The following SPIN1 variants were observed in gnomAD, a reference collection of about 807,000 sequenced individuals.
SPIN1 encodes the protein spindlin 1.
SPIN1 carries 3 observed loss-of-function variants against 26.0 expected under a neutral mutation model. The observed-to-expected ratio is 0.12, with a 90% CI of 0.05 to 0.30. The LOEUF is 0.30. SPIN1 is among the 10% of genes least tolerant of loss of function. The pLI is 1.00. For synonymous variants in SPIN1, 101 were observed against 116.5 expected, an observed-to-expected ratio of 0.87 and a Z score of 0.86; for missense variants, 126 against 333.4, an observed-to-expected ratio of 0.38 and a Z score of 4.84.
chr9:88,395,185 G>C (rs897195354), intron 1 of SPIN1, among the ~76,000 whole-genome samples: 3 of 152,006 alleles, frequency 2.0e-5, no homozygotes, highest in Admixed American at 2.0e-4. Context: ...GTGTTAAAAA[G>C]TTATGTTCAC....
At chr9:88,457,947 G>A (rs1828503076) in intron 3 of SPIN1, 18 of 985,320 alleles carry the variant, frequency 1.8e-5, no homozygotes, top group Non-Finnish European at 2.2e-5. Flanking sequence ...TTTCAGCAAT[G>A]CAGTAGAATT....
intron 2 of SPIN1, among the ~76,000 whole-genome samples, chr9:88,437,265 A>G (rs1269825941): frequency 1.3e-5 from 2 of 152,074 alleles, no homozygotes; most frequent in Non-Finnish European, 2.9e-5. Flanking sequence ...TGGGAGGTCA[A>G]GGTAGGCCGA....
At chr9:88,420,919 CT>C (rs2118001353) in intron 1 of SPIN1, among the ~76,000 whole-genome samples, 1 of 152,308 alleles carries the variant, frequency 6.6e-6, no homozygotes, top group African/African-American at 2.4e-5. Flanking sequence ...TTTCTGCTTT[CT>C]TCAGGCCTGT....
chr9:88,451,391 G>A (rs934831314), intron 3 of SPIN1, among the ~76,000 whole-genome samples: 2 of 152,150 alleles, frequency 1.3e-5, no homozygotes, highest in Admixed American at 1.3e-4. Flanking sequence ...AGACCACACA[G>A]GAAACATTAT....
At chr9:88,430,749 G>A (rs540892135) in intron 2 of SPIN1, among the ~76,000 whole-genome samples, 3 of 152,284 alleles carry the variant, frequency 2.0e-5, no homozygotes, top group African/African-American at 7.2e-5. Context: ...AGCAGTTTAT[G>A]CCTAATGACA....
intron 1 of SPIN1, among the ~76,000 whole-genome samples, chr9:88,406,360 G>A (rs949899188): frequency 6.6e-6 from 1 of 150,600 alleles, no homozygotes; most frequent in African/African-American, 2.4e-5. Flanking sequence ...GCGCAGACTC[G>A]GTTCACTGCA....
At chr9:88,427,718 T>C (rs937011055) in intron 2 of SPIN1, among the ~76,000 whole-genome samples, 1 of 152,114 alleles carries the variant, frequency 6.6e-6, no homozygotes, top group African/African-American at 2.4e-5. Context: ...TGCCTTGGTC[T>C]CCCCAGTAGC....
At chr9:88,408,830 T>G (rs2117947509) in intron 1 of SPIN1, among the ~76,000 whole-genome samples, 1 of 151,684 alleles carries the variant, frequency 6.6e-6, no homozygotes, top group Middle Eastern at 3.4e-3. Context: ...CCTGCCACCA[T>G]GCCTGGCTAA....
chr9:88,395,132 AGAACATTTATGT>A (rs1433833060), intron 1 of SPIN1, among the ~76,000 whole-genome samples: 7 of 152,012 alleles, frequency 4.6e-5, no homozygotes, highest in African/African-American at 7.2e-5. Context: ...TTTAACATGT[AGAACATTTATGT>A]GAACATTTAT....
At chr9:88,450,123 A>G (rs976446835) in intron 3 of SPIN1, among the ~76,000 whole-genome samples, 1 of 152,194 alleles carries the variant, frequency 6.6e-6, no homozygotes, top group Non-Finnish European at 1.5e-5. Flanking sequence ...AATTTTATCC[A>G]TGTGCTCATC....
intron 1 of SPIN1, among the ~76,000 whole-genome samples, chr9:88,416,217 G>C (rs562945512): frequency 6.6e-6 from 1 of 152,130 alleles, no homozygotes; most frequent in Admixed American, 6.5e-5. Context: ...GTTAATATCT[G>C]TCCTCAACAT....
At chr9:88,453,971 A>G (rs1828416435) in intron 3 of SPIN1, among the ~76,000 whole-genome samples, 1 of 152,202 alleles carries the variant, frequency 6.6e-6, no homozygotes, top group African/African-American at 2.4e-5. Flanking sequence ...TTTAGCCATT[A>G]CACAGATACC....
chr9:88,472,732 T>C (rs1352376484), intron 5 of SPIN1, among the ~76,000 whole-genome samples: 5 of 152,292 alleles, frequency 3.3e-5, no homozygotes, highest in Admixed American at 3.3e-4. Flanking sequence ...ACCTTGTGTC[T>C]CTCACCTTGG....
intron 1 of SPIN1, among the ~76,000 whole-genome samples, chr9:88,416,345 A>G (rs1302742975): frequency 6.6e-6 from 1 of 151,808 alleles, no homozygotes; most frequent in Non-Finnish European, 1.5e-5. Flanking sequence ...ATTTTTAGAG[A>G]TGGGGTCTCA....
chr9:88,413,008 A>G lies in SPIN1; in HGVS notation c.-158-13374A>G, dbSNP rs201770978. Among the ~76,000 whole-genome samples, 4 of 151,756 alleles carry G rather than the reference A, an allele frequency of 2.6e-5. No individual in the cohort carries two copies. In the East Asian group the frequency reaches 5.9e-4, roughly 22 times the overall value. On this transcript the variant is annotated intron_variant, in intron 1 of 5. Transcript: ENST00000375859. Reference sequence around the variant, plus strand: ...CTTTGTCAGTAATTTAAGTGACAAGACAATATTGTTGGTATATAGATAATT... The same window carrying G: ...CTTTGTCAGTAATTTAAGTGACAAGGCAATATTGTTGGTATATAGATAATT...
intron 4 of SPIN1, among the ~76,000 whole-genome samples, chr9:88,463,572 G>A (rs1828610624): frequency 1.3e-5 from 2 of 152,082 alleles, no homozygotes; most frequent in African/African-American, 2.4e-5. Context: ...CAGTCTCCTC[G>A]CTTTGTTTTT....
chr9:88,469,729 C>T (rs1282842154), intron 5 of SPIN1, among the ~76,000 whole-genome samples: 6 of 152,130 alleles, frequency 3.9e-5, no homozygotes, highest in African/African-American at 7.2e-5. Flanking sequence ...GATGGGGTTT[C>T]ACCATGTTGG....
At chr9:88,399,466 A>G (rs1371150975) in intron 1 of SPIN1, among the ~76,000 whole-genome samples, 2 of 152,210 alleles carry the variant, frequency 1.3e-5, no homozygotes, top group African/African-American at 4.8e-5. Flanking sequence ...GGCAAGGTAC[A>G]TGGAAACCAT....
intron 1 of SPIN1, among the ~76,000 whole-genome samples, chr9:88,392,099 A>G (rs1564019187): frequency 6.6e-6 from 1 of 152,218 alleles, no homozygotes. Flanking sequence ...TAGAGTTCTC[A>G]GTACAGTTCC....
Sources: allele counts gnomAD v4.1 joint callset (sites outside exome capture counted in the v4.1 genomes callset), GRCh38; gene constraint gnomAD v4.1.1; transcripts MANE v1.5; gene names NCBI Gene and HGNC (gene_info 2026-07-23, HGNC 2026-07-21).